CFAP251: variants seen among roughly 807,000 people sequenced by gnomAD.
CFAP251 encodes the protein cilia- and flagella-associated protein 251.
In CFAP251, 93 loss-of-function variants were observed where a neutral mutation model predicts 126.7. That is an observed-to-expected ratio of 0.73 (90% CI 0.62 to 0.87). CFAP251 has a LOEUF of 0.87. CFAP251 is among the 40% of genes least tolerant of loss of function. The probability of loss-of-function intolerance (pLI) is 0.00; values close to 1 mark genes in which losing one functional copy is unlikely to be tolerated. For missense variants in CFAP251, 1,287 were observed against 1,389.2 expected (o/e 0.93, Z 1.17); for synonymous variants, 503 against 506.9 (o/e 0.99, Z 0.10).
In CFAP251 at chr12:121,984,003, G is replaced by C. The variant is rs189119868; in HGVS notation, c.3006+8318G>C. ...GCCGCTCCCCCTCCTTCAGGAAGTT[G>C]CATGGAGTATACGCCTCACTACTGG... On this transcript the variant is annotated intron_variant, in intron 19 of 21. Transcript: ENST00000288912. 3.3e-5 allele frequency among the ~76,000 whole-genome samples: 5 copies of C among 152,296 alleles called. No individual in the cohort carries two copies. The East Asian group carries it at 9.6e-4, about 29-fold the overall frequency.
rs1882399029 is a variant in CFAP251, at chr12:121,974,081, G to A, written c.2772-1163G>A. ...CCATGTGTTGTGGGAGGGACCTGGT[G>A]GGAGATGGTTGGATTGTGGGGGCAG... On this transcript the variant is annotated intron_variant, in intron 17 of 21. Coordinates refer to ENST00000288912, the MANE Select transcript of CFAP251 (RefSeq NM_144668.6). The surrounding 1 kb of genome is among the most constrained non-coding windows in gnomAD (Gnocchi z 4.6). Among the ~76,000 whole-genome samples, 1 of 152,148 alleles carries A rather than the reference G, an allele frequency of 6.6e-6. No homozygotes were observed. Among genetic ancestry groups the A allele is most frequent in the Admixed American group, 6.5e-5 (1 of 15,270 alleles).
chr12:121,954,811 G>A (rs754264780), intron 10 of CFAP251, among the ~76,000 whole-genome samples: 15 of 151,844 alleles, frequency 9.9e-5, no homozygotes, highest in Non-Finnish European at 2.1e-4. Context: ...TCTTTTTATA[G>A]TTCCATTTAT....
chr12:121,992,575 T>C (rs962013310), intron 19 of CFAP251: 43 of 852,630 alleles, frequency 5.0e-5, no homozygotes, highest in Non-Finnish European at 5.9e-5. Context: ...TTATTTCTTT[T>C]TTTTTTCTTT....
rs751738868 is a variant in CFAP251 at position 121,921,261 on chromosome 12, GT to G, written c.-20-23del. ...GAAATGGGAAGCTGAGGGCCAGCTGGTTATTATGGTCAAAATCTCTCTAGAG... is the reference window on the plus strand; with the variant it reads ...GAAATGGGAAGCTGAGGGCCAGCTGGTATTATGGTCAAAATCTCTCTAGAG... On this transcript the variant is annotated intron_variant, in intron 1 of 21. Coordinates refer to ENST00000288912, the MANE Select transcript of CFAP251 (RefSeq NM_144668.6). 26 of 1,532,762 alleles carry G rather than the reference GT, an allele frequency of 1.7e-5. No individual in the cohort carries two copies. In the Admixed American group the frequency reaches 1.8e-4, roughly 11 times the overall value. 94.9% of individuals were successfully genotyped at this position (1,532,762 alleles called of 1,614,324 possible).
Position 121,921,378 on chromosome 12 carries a change from G to A in CFAP251, c.73G>A (p.Glu25Lys), listed in dbSNP as rs184546335. The change falls in exon 2 of 22, where the codon GAA becomes AAA. Residue 25 changes from glutamate (E) to lysine (K), a missense_variant. By Grantham distance (56) the Glu-to-Lys change is moderately conservative. Transcript: ENST00000288912. ...NGETEMKEEE[E>K]PNPNYKEVED... The stretch of plus-strand genomic sequence containing the variant: ...AGAAACAGAAATGAAAGAAGAGGAG[G>A]AACCTAATCCAAATTATAAAGAAGT... The A allele has an allele frequency of 6.2e-7, 1 of 1,611,944 alleles. No homozygotes were observed. The highest frequency in any genetic ancestry group is 2.2e-5 in the East Asian group (1 of 44,822).
rs766384650 is a variant in CFAP251, at chr12:121,921,494, G to GGAGGAGGAGAAA, written c.196_197insAGAAAGAGGAGG (p.Glu65_Gly66insGluLysGluGlu). The GGAGGAGGAGAAA allele has an allele frequency of 2.5e-6, 4 of 1,613,298 alleles. No homozygotes were observed. The South Asian group carries it at 3.3e-5, about 13-fold the overall frequency. On this transcript the variant is annotated inframe_insertion, in exon 2 of 22. Transcript: ENST00000288912. ...GGAAAACGGGCGAGGAGGAAGGGGAGGAGGAGGGGAAGGAGGACAAAAAGA... is the reference window on the plus strand; with the variant it reads ...GGAAAACGGGCGAGGAGGAAGGGGAGGAGGAGGAGAAAGAGGAGGGGAAGGAGGACAAAAAGA...
At chr12:121,954,691 A>C (rs1018299678) in intron 10 of CFAP251, among the ~76,000 whole-genome samples, 1 of 139,186 alleles carries the variant, frequency 7.2e-6, no homozygotes, top group East Asian at 2.4e-4. Context: ...GTATATGCAT[A>C]TTTTGTATAG....
At chr12:121,944,116 G>T (rs938602403) in intron 7 of CFAP251, among the ~76,000 whole-genome samples, 4 of 152,146 alleles carry the variant, frequency 2.6e-5, no homozygotes, top group African/African-American at 9.7e-5. Context: ...CCCTGCTTTT[G>T]TGACTTGTCT....
chr12:121,970,225 G>A (rs1283703057), intron 17 of CFAP251, among the ~76,000 whole-genome samples: 1 of 151,974 alleles, frequency 6.6e-6, no homozygotes, highest in Non-Finnish European at 1.5e-5. Context: ...CATTCCGCAC[G>A]CCCCTTCTTC....
At chr12:121,940,304 T>C (rs933798087) in intron 5 of CFAP251, among the ~76,000 whole-genome samples, 1 of 152,208 alleles carries the variant, frequency 6.6e-6, no homozygotes, top group African/African-American at 2.4e-5. Flanking sequence ...AGGGATGAGA[T>C]ACATTTTCTC....
At chr12:121,937,267 G>T (rs57161524) in intron 5 of CFAP251, among the ~76,000 whole-genome samples, 1 of 151,824 alleles carries the variant, frequency 6.6e-6, no homozygotes, top group Non-Finnish European at 1.5e-5. Flanking sequence ...GCTTGTGGAC[G>T]CATCCCTCCA....
chr12:121,931,604 C>G, intron 3 of CFAP251, 142 bp from the exon 4 acceptor site: 1 of 776,126 alleles, frequency 1.3e-6, no homozygotes, highest in Non-Finnish European at 1.8e-6. Flanking sequence ...TGAGCCACCA[C>G]GCCTGGCTGA....
rs116418813 is a variant in CFAP251 at position 121,926,184 on chromosome 12, C to T, written c.747+2194C>T. 8.6e-3 allele frequency among the ~76,000 whole-genome samples: 1,302 copies of T among 151,902 alleles called. 20 individuals are homozygous for T. The highest frequency in any genetic ancestry group is 0.029 in the African/African-American group (1,218 of 41,454). On this transcript the variant is annotated intron_variant, in intron 3 of 21. Transcript: ENST00000288912. ...CCGGCCTTTTTTAAGAGACAGAGCC[C>T]TGCTGTGTTGCCCAGGCTGGACTAG...
At position 121,968,184 on chromosome 12, in the gene CFAP251, G is replaced by A. The variant is rs191953625; in HGVS notation, c.2771+15G>A. ...ATCACCTTAAGGTACACGATGGGGC[G>A]AGAAGGAAGGTATCAAGTGTAAACT... is the stretch of plus-strand genomic sequence containing the variant. On this transcript the variant is annotated intron_variant, in intron 17 of 21. Transcript: ENST00000288912. 2.3e-4 allele frequency: 371 copies of A among 1,587,148 alleles called. 6 individuals carry two copies. In the East Asian group the frequency reaches 7.8e-3, roughly 33 times the overall value.
chr12:121,959,605 A>G (rs1881856434), intron 13 of CFAP251: 1 of 152,464 alleles, frequency 6.6e-6, no homozygotes, highest in East Asian at 1.9e-4. Flanking sequence ...TCCCACTCCA[A>G]CTGGGTTCAC....
Position 121,957,211 on chromosome 12 carries a change from C to G in CFAP251, c.1673C>G (p.Thr558Ser). 1 of 1,614,076 alleles carries G rather than the reference C, an allele frequency of 6.2e-7. No homozygotes were observed. The highest frequency in any genetic ancestry group is 1.3e-5 in the African/African-American group (1 of 75,032). ...SFSKTPATPP[T>S]EKSNYPPDCT... ...TCAAAGACCCCAGCAACTCCTCCTA[C>G]TGAAAAATCAAACTATCCTCCTGAC... The change falls in exon 11 of 22, where the codon ACT becomes AGT. Residue 558 changes from threonine to serine, a missense_variant. Coordinates refer to ENST00000288912, the MANE Select transcript of CFAP251 (RefSeq NM_144668.6).
chr12:121,962,410 A>AATGCTATCTCCT (rs1443902176), intron 15 of CFAP251, among the ~76,000 whole-genome samples: 1 of 152,192 alleles, frequency 6.6e-6, no homozygotes, highest in Non-Finnish European at 1.5e-5. Flanking sequence ...GAAAGTTGCT[A>AATGCTATCTCCT]ATGCTATCTC....
At chr12:121,920,203 A>AT (rs1880103882) in intron 1 of CFAP251, among the ~76,000 whole-genome samples, 1 of 147,130 alleles carries the variant, frequency 6.8e-6, no homozygotes, top group Admixed American at 6.8e-5. Flanking sequence ...AAAAAAAAAA[A>AT]GGTTTCCCAC....
chr12:121,963,690 G>A (rs988743045), intron 15 of CFAP251, among the ~76,000 whole-genome samples: 2 of 149,000 alleles, frequency 1.3e-5, no homozygotes, highest in Admixed American at 6.8e-5. Flanking sequence ...ATTGTGCCTC[G>A]AGTACAGCAG....
Sources: allele counts gnomAD v4.1 joint callset (sites outside exome capture counted in the v4.1 genomes callset), GRCh38; gene constraint gnomAD v4.1.1; non-coding constraint Gnocchi (gnomAD v3.1); transcripts MANE v1.5; gene names NCBI Gene and HGNC (gene_info 2026-07-23, HGNC 2026-07-21).